The following NRXN3 variants were observed in gnomAD, a reference collection of about 807,000 sequenced individuals.
NRXN3 encodes the protein neurexin III.
In NRXN3, 32 loss-of-function variants were observed where a neutral mutation model predicts 137.6. That is an observed-to-expected ratio of 0.23 (90% CI 0.18 to 0.31). The LOEUF (loss-of-function observed/expected upper bound fraction) is 0.31, where lower values mean the gene tolerates loss of function less well. NRXN3 is among the 10% of genes least tolerant of loss of function. NRXN3 has a pLI of 1.00. For missense variants in NRXN3, 1,574 were observed against 2,062.5 expected (o/e 0.76, Z 4.59); for synonymous variants, 798 against 784.5 (o/e 1.02, Z -0.29).
At chr14:78,603,928 C>T (rs2097222723) in intron 4 of NRXN3, among the ~76,000 whole-genome samples, 1 of 152,146 alleles carries the variant, frequency 6.6e-6, no homozygotes, top group Non-Finnish European at 1.5e-5. Flanking sequence ...TTAGTCCGTT[C>T]TTATGCTGCT....
At chr14:79,217,533 G>GA (rs1457018752) in intron 15 of NRXN3, among the ~76,000 whole-genome samples, 3 of 152,020 alleles carry the variant, frequency 2.0e-5, no homozygotes, top group Non-Finnish European at 4.4e-5. Context: ...TATCATAGAA[G>GA]AAAAAATAAA....
At chr14:79,335,900 C>T (rs2092223344) in intron 15 of NRXN3, among the ~76,000 whole-genome samples, 1 of 152,164 alleles carries the variant, frequency 6.6e-6, no homozygotes, top group Middle Eastern at 3.4e-3. Context: ...CGTTATAATG[C>T]CATTTATCCC....
intron 15 of NRXN3, among the ~76,000 whole-genome samples, chr14:79,290,571 G>T (rs2083002477): frequency 6.8e-6 from 1 of 148,000 alleles, no homozygotes; most frequent in East Asian, 2.0e-4. Flanking sequence ...AAGACCTGAA[G>T]AAATGCATAA....
intron 15 of NRXN3, among the ~76,000 whole-genome samples, chr14:79,038,542 C>T (rs1323479463): frequency 6.6e-6 from 1 of 152,114 alleles, no homozygotes; most frequent in African/African-American, 2.4e-5. Context: ...TGTTTTTCCA[C>T]TTAAAATTGC....
At chr14:79,586,582 G>A (rs2097766927) in intron 16 of NRXN3, among the ~76,000 whole-genome samples, 1 of 152,030 alleles carries the variant, frequency 6.6e-6, no homozygotes, top group South Asian at 2.1e-4. Flanking sequence ...AACTACACCC[G>A]CCTCAGCCAC....
At chr14:79,285,861 C>T (rs1324162468) in intron 15 of NRXN3, among the ~76,000 whole-genome samples, 2 of 148,788 alleles carry the variant, frequency 1.3e-5, no homozygotes, top group African/African-American at 5.0e-5. Flanking sequence ...CGCTGCCCCC[C>T]ACCGCCCCCC....
chr14:78,314,939 C>G (rs1309741779), intron 4 of NRXN3, among the ~76,000 whole-genome samples: 2 of 117,958 alleles, frequency 1.7e-5, no homozygotes, highest in African/African-American at 8.0e-5. Flanking sequence ...TTCTTTCTTT[C>G]TTTCTTCCTT....
chr14:78,614,582 G>A (rs1206189690), intron 4 of NRXN3, among the ~76,000 whole-genome samples: 3 of 151,502 alleles, frequency 2.0e-5, no homozygotes, highest in East Asian at 3.9e-4. Flanking sequence ...TTTGAGACCT[G>A]TGGGCTCTTA....
chr14:79,398,327 G>T (rs969693455), intron 15 of NRXN3, among the ~76,000 whole-genome samples: 1 of 152,138 alleles, frequency 6.6e-6, no homozygotes, highest in Admixed American at 6.6e-5. Context: ...GCCCTATCAG[G>T]AAGTTCTTTG....
Position 79,863,610 on chromosome 14 carries a change from TG to T in NRXN3, c.*1647del, listed in dbSNP as rs1345452611. 2 of 152,572 alleles carry T rather than the reference TG, an allele frequency of 1.3e-5. No individual in the cohort carries two copies. The highest frequency in any genetic ancestry group is 2.4e-5 in the African/African-American group (1 of 41,442). 9.5% of individuals were successfully genotyped at this position (152,572 alleles called of 1,614,324 possible). Reference sequence around the variant, plus strand: ...CCTATGTACATACTGCTTTAAGAAATGTTTTTTTCCTGTTTATTTCTGTTTG... The same window carrying T: ...CCTATGTACATACTGCTTTAAGAAATTTTTTTTCCTGTTTATTTCTGTTTG... On this transcript the variant is annotated 3_prime_UTR_variant, in exon 21 of 21. Transcript: ENST00000335750.
chr14:78,399,865 G>A (rs1038181305), intron 4 of NRXN3, among the ~76,000 whole-genome samples: 23 of 152,084 alleles, frequency 1.5e-4, no homozygotes, highest in African/African-American at 1.9e-4. Context: ...AAAGTCCTCC[G>A]GAAAAATGCA....
At chr14:79,540,548 G>A (rs747042085) in intron 16 of NRXN3, among the ~76,000 whole-genome samples, 2 of 152,146 alleles carry the variant, frequency 1.3e-5, no homozygotes, top group Non-Finnish European at 2.9e-5. Context: ...CTGTAACTTT[G>A]TACCTGTTGA....
chr14:78,419,809 T>A (rs1224235590), intron 4 of NRXN3, among the ~76,000 whole-genome samples: 2 of 152,198 alleles, frequency 1.3e-5, no homozygotes, highest in Non-Finnish European at 2.9e-5. Context: ...GAACACCATG[T>A]CTTGGCACTG....
At chr14:78,764,636 C>T (rs958141980) in intron 8 of NRXN3, among the ~76,000 whole-genome samples, 7 of 152,154 alleles carry the variant, frequency 4.6e-5, no homozygotes, top group South Asian at 2.1e-4. Flanking sequence ...TCTTTTCTCA[C>T]GTTGCCAAAG....
At chr14:79,094,550 T>C (rs1305680084) in intron 15 of NRXN3, among the ~76,000 whole-genome samples, 1 of 152,230 alleles carries the variant, frequency 6.6e-6, no homozygotes, top group Non-Finnish European at 1.5e-5. Context: ...TCAAACCTTA[T>C]GCAATTGTGA....
intron 15 of NRXN3, among the ~76,000 whole-genome samples, chr14:79,307,048 C>T (rs1163634716): frequency 1.3e-5 from 2 of 152,086 alleles, no homozygotes; most frequent in Non-Finnish European, 2.9e-5. Flanking sequence ...TTTTGGTAAA[C>T]AACTTTGATT....
At chr14:78,280,583 G>A (rs139450242) in intron 3 of NRXN3, among the ~76,000 whole-genome samples, 2 of 152,272 alleles carry the variant, frequency 1.3e-5, no homozygotes, top group African/African-American at 4.8e-5. Flanking sequence ...ATAGAGCTGG[G>A]CCCTGCATAG....
intron 4 of NRXN3, among the ~76,000 whole-genome samples, chr14:78,512,421 T>A (rs1198610838): frequency 1.3e-5 from 2 of 152,206 alleles, no homozygotes; most frequent in Non-Finnish European, 2.9e-5. Flanking sequence ...GAGCTAGATT[T>A]GCCCATTATT....
At chr14:79,128,224 G>C (rs2056863889) in intron 15 of NRXN3, among the ~76,000 whole-genome samples, 1 of 101,686 alleles carries the variant, frequency 9.8e-6, no homozygotes, top group African/African-American at 4.4e-5. Context: ...TTGAATAGGA[G>C]TGGTGAGAGA....
Sources: gnomAD v4.1 joint callset for allele counts (sites outside exome capture counted in the v4.1 genomes callset) on GRCh38, gnomAD v4.1.1 for gene constraint, MANE v1.5 for transcripts, NCBI Gene and HGNC (gene_info 2026-07-23, HGNC 2026-07-21) for gene names.